Variants in UBE3D observed in about 807,000 individuals in gnomAD.
UBE3D encodes E3 ubiquitin-protein ligase E3D.
In UBE3D, 48 loss-of-function variants were observed where a neutral mutation model predicts 49.6. The observed-to-expected ratio is 0.97, with a 90% CI of 0.77 to 1.23. The LOEUF (loss-of-function observed/expected upper bound fraction) is 1.23. Ranked by LOEUF, UBE3D falls within the 50% of genes most tolerant of loss-of-function variation. UBE3D has a pLI of 0.00. For synonymous variants in UBE3D, 189 were observed against 174.2 expected (o/e 1.08, Z -0.67); for missense variants, 452 against 468.4 (o/e 0.96, Z 0.32).
At chr6:82,970,914 T>C (rs780308429) in intron 8 of UBE3D, among the ~76,000 whole-genome samples, 14 of 152,220 alleles carry the variant, frequency 9.2e-5, no homozygotes, top group Non-Finnish European at 1.9e-4. Context: ...AACATTCATT[T>C]TACAAAGAGG....
At chr6:82,979,946 A>G (rs1397603241) in intron 8 of UBE3D, among the ~76,000 whole-genome samples, 1 of 152,148 alleles carries the variant, frequency 6.6e-6, no homozygotes, top group Non-Finnish European at 1.5e-5. Context: ...ATGGCCAAAG[A>G]GCATTCCTTT....
chr6:83,049,445 G>C (rs1445489856), intron 3 of UBE3D, among the ~76,000 whole-genome samples: 6 of 152,210 alleles, frequency 3.9e-5, no homozygotes, highest in Non-Finnish European at 8.8e-5. Context: ...AGCCATAAAA[G>C]TATAATTTTA....
chr6:82,931,766 G>T (rs958187233), intron 9 of UBE3D, among the ~76,000 whole-genome samples: 5 of 152,142 alleles, frequency 3.3e-5, no homozygotes, highest in African/African-American at 1.2e-4. Context: ...AGGCTCATAG[G>T]CAGAGAAGAC....
intron 9 of UBE3D, among the ~76,000 whole-genome samples, chr6:82,949,493 T>TCA (rs143101652): frequency 0.16 from 24,300 of 151,510 alleles, 1,971 homozygotes; most frequent in African/African-American, 0.17. Context: ...ATGACATTCT[T>TCA]CAGAAATAGA....
At chr6:82,970,734 G>A (rs928523220) in intron 8 of UBE3D, among the ~76,000 whole-genome samples, 2 of 152,112 alleles carry the variant, frequency 1.3e-5, no homozygotes, top group African/African-American at 4.8e-5. Context: ...AGCTACTCGG[G>A]AGGCTGAGGC....
downstream of UBE3D, among the ~76,000 whole-genome samples, chr6:82,887,532 A>G (rs1013451655): frequency 6.6e-6 from 1 of 151,322 alleles, no homozygotes; most frequent in African/African-American, 2.4e-5. Flanking sequence ...AACATGGTGA[A>G]ATCCCATTGC....
chr6:82,941,494 T>C (rs190427545), intron 9 of UBE3D, among the ~76,000 whole-genome samples: 51 of 149,642 alleles, frequency 3.4e-4, no homozygotes, highest in Non-Finnish European at 1.2e-4. Flanking sequence ...TATAGCCCAT[T>C]GTTGCTACTT....
intron 9 of UBE3D, among the ~76,000 whole-genome samples, chr6:82,930,961 C>T (rs573247693): frequency 5.9e-4 from 90 of 152,288 alleles, no homozygotes; most frequent in African/African-American, 2.1e-3. Context: ...GCAGCCCCTC[C>T]CATAACAGGC....
At chr6:82,966,501 T>G (rs1383568026) in intron 8 of UBE3D, among the ~76,000 whole-genome samples, 1 of 120,098 alleles carries the variant, frequency 8.3e-6, no homozygotes, top group Non-Finnish European at 1.7e-5. Context: ...ATACAAAAAA[T>G]TAGCCGGGCG....
chr6:83,022,428 A>G, intron 7 of UBE3D, 25 bp downstream of exon 7: 1 of 1,477,260 alleles, frequency 6.8e-7, no homozygotes, highest in South Asian at 1.3e-5. Flanking sequence ...TAGGCTACAA[A>G]AAGCTGGATA....
chr6:83,044,632 C>CGG lies in UBE3D; in HGVS notation c.391_392dup (p.Ser132ArgfsTer8), dbSNP rs776271642. On this transcript the variant is annotated frameshift_variant, in exon 4 of 10. Coordinates refer to ENST00000369747, the MANE Select transcript of UBE3D (RefSeq NM_198920.3). LOFTEE classifies it high-confidence loss of function. ...CAACTAGAGCTCCCCAGTTCTCACT[C>CGG]GGCAGTGGGAGCACCCTGAGGAGCT... The CGG allele has an allele frequency of 3.1e-6, 5 of 1,614,018 alleles. No homozygotes were observed. In the South Asian group the frequency reaches 5.5e-5, roughly 18 times the overall value.
intron 8 of UBE3D, among the ~76,000 whole-genome samples, chr6:82,971,321 G>GC (rs1324808924): frequency 2.0e-5 from 3 of 151,876 alleles, no homozygotes; most frequent in African/African-American, 7.3e-5. Flanking sequence ...GCTGAGAAAC[G>GC]CATTTCTAAT....
At chr6:83,000,161 A>T (rs907716785) in intron 8 of UBE3D, among the ~76,000 whole-genome samples, 14 of 152,092 alleles carry the variant, frequency 9.2e-5, no homozygotes, top group African/African-American at 3.4e-4. Flanking sequence ...AATCTTACCC[A>T]TGCCATTGGC....
chr6:82,968,241 G>A (rs1182656877), intron 8 of UBE3D, among the ~76,000 whole-genome samples: 1 of 151,948 alleles, frequency 6.6e-6, no homozygotes, highest in South Asian at 2.1e-4. Flanking sequence ...TTTGTGTCCT[G>A]TTTAAGAAAT....
chr6:82,979,248 T>C (rs1777944639), intron 8 of UBE3D, among the ~76,000 whole-genome samples: 1 of 152,178 alleles, frequency 6.6e-6, no homozygotes, highest in Non-Finnish European at 1.5e-5. Context: ...TCCTTTGCAA[T>C]GTTTATACCA....
At chr6:82,926,599 T>G (rs1337954947) in intron 9 of UBE3D, among the ~76,000 whole-genome samples, 3 of 152,170 alleles carry the variant, frequency 2.0e-5, no homozygotes, top group Non-Finnish European at 2.9e-5. Flanking sequence ...GCATTTGGTG[T>G]TGTCAGTGTT....
At chr6:82,931,618 C>T (rs1482362892) in intron 9 of UBE3D, among the ~76,000 whole-genome samples, 1 of 152,194 alleles carries the variant, frequency 6.6e-6, no homozygotes, top group Non-Finnish European at 1.5e-5. Context: ...TTAATAAATG[C>T]CCTATTGGAT....
the UBE3D span, among the ~76,000 whole-genome samples, chr6:82,882,056 C>G: frequency 6.6e-6 from 1 of 152,120 alleles, no homozygotes; most frequent in Admixed American, 6.6e-5. Context: ...CCAAAGGAAC[C>G]GATTCCCTAC....
intron 7 of UBE3D, among the ~76,000 whole-genome samples, chr6:83,022,190 C>T (rs1353492596): frequency 6.6e-6 from 1 of 152,066 alleles, no homozygotes. Context: ...CCATGTCAGG[C>T]TAATTTTTGT....
Sources: allele counts gnomAD v4.1 joint callset (sites outside exome capture counted in the v4.1 genomes callset), GRCh38; gene constraint gnomAD v4.1.1; transcripts MANE v1.5; gene names NCBI Gene and HGNC (gene_info 2026-07-23, HGNC 2026-07-21).